Variants in SEMA3A observed in about 807,000 individuals in gnomAD.
The protein encoded by SEMA3A is semaphorin 3A.
In SEMA3A, 29 loss-of-function variants were observed where a neutral mutation model predicts 97.9. The ratio of observed to expected loss-of-function variants is 0.30; its 90% CI spans 0.22 to 0.40. The LOEUF (loss-of-function observed/expected upper bound fraction) is 0.40, where lower values mean the gene tolerates loss of function less well. SEMA3A is among the 10% of genes least tolerant of loss of function. The pLI, the probability that SEMA3A is intolerant of heterozygous loss-of-function variation, is 1.00. For missense variants in SEMA3A, 763 were observed against 951.3 expected (o/e 0.80, Z 2.60); for synonymous variants, 321 against 323.7 (o/e 0.99, Z 0.09).
Position 83,958,647 on chromosome 7 carries a change from C to T in SEMA3A, c.*2724G>A, listed in dbSNP as rs548258924. The stretch of plus-strand genomic sequence containing the variant: ...GAAAGTTTTATTTTACACTGTTCTT[C>T]CTCTTTTTCTCCCAAATTATTTACA... On this transcript the variant is annotated 3_prime_UTR_variant, in exon 17 of 17. Transcript: ENST00000265362. The T allele has an allele frequency of 7.2e-5, 11 of 152,558 alleles. No homozygotes were observed. The highest frequency in any genetic ancestry group is 2.4e-4 in the African/African-American group (10 of 41,534). 9.5% of individuals were successfully genotyped at this position (152,558 alleles called of 1,614,324 possible).
At chr7:84,415,417 C>G (rs1053636711) in intron 1 of SEMA3A, among the ~76,000 whole-genome samples, 3 of 152,102 alleles carry the variant, frequency 2.0e-5, no homozygotes, top group African/African-American at 7.2e-5. Flanking sequence ...AGTTAAAGTT[C>G]TTGTGTGAAG....
At chr7:84,299,242 G>A (rs141040898) in intron 3 of SEMA3A, among the ~76,000 whole-genome samples, 15 of 127,546 alleles carry the variant, frequency 1.2e-4, no homozygotes, top group African/African-American at 3.5e-4. Flanking sequence ...AAAACAGTGT[G>A]TATATATATA....
chr7:84,451,222 T>C (rs1468466935), intron 1 of SEMA3A, among the ~76,000 whole-genome samples: 3 of 152,196 alleles, frequency 2.0e-5, no homozygotes, highest in East Asian at 1.9e-4. Context: ...ATTTTTCATG[T>C]GGATATCCAG....
At chr7:84,251,186 CGACT>C (rs1216827060) in intron 3 of SEMA3A, among the ~76,000 whole-genome samples, 14 of 152,228 alleles carry the variant, frequency 9.2e-5, no homozygotes, top group Admixed American at 7.2e-4. Context: ...TTGTTCTATG[CGACT>C]GACTAACTTT....
At chr7:84,122,667 A>C (rs1419447879) in intron 3 of SEMA3A, among the ~76,000 whole-genome samples, 1 of 152,174 alleles carries the variant, frequency 6.6e-6, no homozygotes, top group Admixed American at 6.5e-5. Flanking sequence ...TTCATGTCAA[A>C]TTTGACCTTT....
At chr7:84,410,477 T>C (rs766136411) in intron 1 of SEMA3A, among the ~76,000 whole-genome samples, 6 of 152,136 alleles carry the variant, frequency 3.9e-5, no homozygotes, top group Non-Finnish European at 8.8e-5. Context: ...TCAACACCTG[T>C]AAAGAAGAAA....
intron 1 of SEMA3A, among the ~76,000 whole-genome samples, chr7:84,176,161 G>A (rs935788033): frequency 1.3e-5 from 2 of 152,114 alleles, no homozygotes; most frequent in African/African-American, 4.8e-5. Flanking sequence ...TTAGGATGCA[G>A]TTCTCCCATT....
intron 3 of SEMA3A, among the ~76,000 whole-genome samples, chr7:84,113,939 A>T (rs1795348535): frequency 6.6e-6 from 1 of 152,110 alleles, no homozygotes; most frequent in Admixed American, 6.6e-5. Context: ...AAATGGATAG[A>T]GGAATTATGT....
chr7:84,454,527 T>C (rs774646540), intron 1 of SEMA3A, among the ~76,000 whole-genome samples: 1 of 152,178 alleles, frequency 6.6e-6, no homozygotes, highest in Non-Finnish European at 1.5e-5. Context: ...TAACTTTAAA[T>C]ATCATTTTAA....
intron 4 of SEMA3A, among the ~76,000 whole-genome samples, chr7:84,068,742 T>A (rs1422011028): frequency 1.3e-5 from 2 of 152,110 alleles, no homozygotes; most frequent in African/African-American, 2.4e-5. Context: ...CCAAGGTAGA[T>A]GAGAAGTGCT....
At chr7:84,335,253 T>C (rs1802008368) in intron 2 of SEMA3A, among the ~76,000 whole-genome samples, 1 of 152,166 alleles carries the variant, frequency 6.6e-6, no homozygotes, top group African/African-American at 2.4e-5. Context: ...TTTCAATTGG[T>C]CTTGGTATAA....
rs558241487 is a variant in SEMA3A at position 84,227,891 on chromosome 7, C to G, written c.-82-33223G>C. ...TAGATGATGTAAATGATGTAAGTCT[C>G]TGTGTGTGTGTGTGTGCGTGCGTGT... is the stretch of plus-strand genomic sequence containing the variant. On this transcript the variant is annotated intron_variant, in intron 3 of 3. Coordinates refer to the SEMA3A transcript ENST00000424555. Among the ~76,000 whole-genome samples the G allele has an allele frequency of 6.5e-3, 973 of 149,460 alleles. 45 individuals are homozygous for G. The East Asian group carries it at 0.12, about 19-fold the overall frequency.
At chr7:84,173,359 C>A (rs879779113) in intron 1 of SEMA3A, among the ~76,000 whole-genome samples, 4 of 151,788 alleles carry the variant, frequency 2.6e-5, no homozygotes, top group Non-Finnish European at 4.4e-5. Context: ...ATTTCAAGAC[C>A]AGCCCGGCCC....
chr7:84,041,953 A>G (rs892424590), intron 6 of SEMA3A, among the ~76,000 whole-genome samples: 2 of 152,136 alleles, frequency 1.3e-5, no homozygotes, highest in African/African-American at 4.8e-5. Flanking sequence ...GACGTTTTTT[A>G]TGTCTCCAAA....
intron 2 of SEMA3A, among the ~76,000 whole-genome samples, chr7:84,358,023 A>G (rs1273639275): frequency 6.6e-6 from 1 of 152,144 alleles, no homozygotes; most frequent in Non-Finnish European, 1.5e-5. Flanking sequence ...TTCTTTGTAG[A>G]TACTGGATAT....
intron 3 of SEMA3A, among the ~76,000 whole-genome samples, chr7:84,266,330 A>G (rs1473552303): frequency 3.3e-5 from 5 of 151,472 alleles, no homozygotes; most frequent in African/African-American, 9.7e-5. Flanking sequence ...AAAAAAAAAA[A>G]AAAAAAAGAA....
intron 6 of SEMA3A, among the ~76,000 whole-genome samples, chr7:84,037,791 A>G (rs916029256): frequency 3.3e-5 from 5 of 152,122 alleles, no homozygotes; most frequent in African/African-American, 1.2e-4. Flanking sequence ...ACAAATATAT[A>G]ATGGTATACA....
At chr7:84,310,750 A>T (rs1291037068) in intron 2 of SEMA3A, among the ~76,000 whole-genome samples, 1 of 152,188 alleles carries the variant, frequency 6.6e-6, no homozygotes, top group African/African-American at 2.4e-5. Context: ...CTTTTAAAAT[A>T]ACATAGTGAA....
intron 1 of SEMA3A, among the ~76,000 whole-genome samples, chr7:84,467,248 C>T (rs546333184): frequency 5.9e-5 from 9 of 152,108 alleles, no homozygotes; most frequent in South Asian, 2.1e-4. Flanking sequence ...CAGGGCCGGG[C>T]GCAGTGCCTC....
Sources: allele counts gnomAD v4.1 joint callset (sites outside exome capture counted in the v4.1 genomes callset), GRCh38; gene constraint gnomAD v4.1.1; transcripts MANE v1.5; gene names NCBI Gene and HGNC (gene_info 2026-07-23, HGNC 2026-07-21).